ZNF516: variants seen among roughly 807,000 people sequenced by gnomAD.
The protein encoded by ZNF516 is zinc finger protein 516.
In ZNF516, 19 loss-of-function variants were observed where a neutral mutation model predicts 79.7. The ratio of observed to expected loss-of-function variants is 0.24; its 90% CI spans 0.17 to 0.35. The LOEUF (loss-of-function observed/expected upper bound fraction) is 0.35, where lower values mean the gene tolerates loss of function less well. ZNF516 is among the 10% of genes least tolerant of loss of function. ZNF516 has a pLI of 1.00. For missense variants in ZNF516, 1,678 were observed against 1,679.5 expected (o/e 1.00, Z 0.02); for synonymous variants, 877 against 739.5 (o/e 1.19, Z -3.02).
chr18:76,475,552 C>T (rs144627152), intron 1 of ZNF516, among the ~76,000 whole-genome samples: 1 of 152,190 alleles, frequency 6.6e-6, no homozygotes, highest in Non-Finnish European at 1.5e-5. Context: ...GTTCCCTGCA[C>T]GCTAAGAGAA....
intron 1 of ZNF516, chr18:76,490,290 G>C (rs759543916): frequency 4.5e-5 from 31 of 685,768 alleles, no homozygotes; most frequent in African/African-American, 2.7e-4. Flanking sequence ...TTTTACTAAG[G>C]GGGGGCGAGG....
rs761572414 is a variant in ZNF516 at position 76,358,637 on chromosome 18, G to C, written c.*3861C>G. On this transcript the variant is annotated 3_prime_UTR_variant, in exon 7 of 7. Transcript: ENST00000443185. ...AAATTAGAACTCACCAAAGTTAAAA[G>C]CAGTAAAACAACATATGCTACTTAA... is the stretch of plus-strand genomic sequence containing the variant. 1.1e-4 allele frequency: 17 copies of C among 152,238 alleles called. No homozygotes were observed. Among genetic ancestry groups the C allele is most frequent in the Non-Finnish European group, 2.4e-4 (16 of 68,048 alleles). 9.4% of individuals were successfully genotyped at this position (152,238 alleles called of 1,614,324 possible).
At position 76,379,506 on chromosome 18, in the gene ZNF516, G is replaced by A. The variant is rs1322684534; in HGVS notation, c.2608C>T (p.His870Tyr). The change falls in exon 4 of 7, where the codon CAT (histidine) becomes TAT (tyrosine). Residue 870 changes from histidine to tyrosine, a missense_variant. His to Tyr is a moderately conservative substitution (Grantham distance 83). This residue lies in a region of ZNF516 where 1,294 missense variants were observed against 1,248.3 expected (regional missense o/e 1.04). Transcript: ENST00000443185. ...CACAGAGCGCAGGGACCTCCGGAAT[G>A]GCTCTCCTTATTCTTAGGCATGCTA... ...AASMPKNKESHSGGPCALWAP... is the reference protein window; with the variant it reads ...AASMPKNKESYSGGPCALWAP... 8 of 1,613,786 alleles carry A rather than the reference G, an allele frequency of 5.0e-6. No homozygotes were observed. The South Asian group carries it at 7.7e-5, about 16-fold the overall frequency.
At chr18:76,420,864 ACAATAT>A (rs1202465227) in intron 3 of ZNF516, among the ~76,000 whole-genome samples, 2 of 152,258 alleles carry the variant, frequency 1.3e-5, no homozygotes, top group Non-Finnish European at 2.9e-5. Context: ...TACTTCATCC[ACAATAT>A]CAATAAGTGT....
intron 3 of ZNF516, chr18:76,385,836 G>GC (rs1051356352): frequency 2.6e-5 from 4 of 151,754 alleles, no homozygotes; most frequent in South Asian, 4.2e-4. Context: ...CTCCCAGGCA[G>GC]CCCACCTGCA....
intron 1 of ZNF516, chr18:76,488,041 C>A: frequency 1.0e-6 from 1 of 985,360 alleles, no homozygotes; most frequent in Non-Finnish European, 1.2e-6. Context: ...CAAACAGAGG[C>A]TTGTCCACAG....
intron 2 of ZNF516, among the ~76,000 whole-genome samples, chr18:76,450,558 C>T (rs897179908): frequency 6.6e-6 from 1 of 152,136 alleles, no homozygotes; most frequent in African/African-American, 2.4e-5. Flanking sequence ...ATTAAAGAAA[C>T]CCACCCACGG....
chr18:76,458,314 C>T (rs114009838), intron 2 of ZNF516, among the ~76,000 whole-genome samples: 1,889 of 152,268 alleles, frequency 0.012, 39 homozygotes, highest in African/African-American at 0.043. Flanking sequence ...ACTGTGGACC[C>T]GCAGTGCATG....
chr18:76,478,194 C>T (rs1191039120), intron 1 of ZNF516, among the ~76,000 whole-genome samples: 1 of 152,090 alleles, frequency 6.6e-6, no homozygotes, highest in Non-Finnish European at 1.5e-5. Context: ...ACAAATTCAT[C>T]GATGAAGACT....
chr18:76,443,872 C>T (rs1911880710), intron 2 of ZNF516, among the ~76,000 whole-genome samples: 2 of 152,170 alleles, frequency 1.3e-5, no homozygotes, highest in African/African-American at 2.4e-5. Flanking sequence ...AGAGATTGTG[C>T]CCAAGCCTGA....
At chr18:76,414,344 A>ATT (rs1189118347) in intron 3 of ZNF516, among the ~76,000 whole-genome samples, 1 of 152,198 alleles carries the variant, frequency 6.6e-6, no homozygotes, top group East Asian at 1.9e-4. Context: ...TCCACGTGTT[A>ATT]TTTTCCTCAG....
intron 3 of ZNF516, among the ~76,000 whole-genome samples, chr18:76,422,057 G>A (rs1436243687): frequency 6.6e-6 from 1 of 152,182 alleles, no homozygotes; most frequent in East Asian, 1.9e-4. Context: ...ATGGCTACAT[G>A]AGCAAGTGAA....
intron 3 of ZNF516, among the ~76,000 whole-genome samples, chr18:76,405,142 G>A (rs948941303): frequency 6.6e-6 from 1 of 152,228 alleles, no homozygotes; most frequent in African/African-American, 2.4e-5. Flanking sequence ...ACACCCTGGA[G>A]GTCATCGGGA....
At chr18:76,478,796 C>T (rs1189202149) in intron 1 of ZNF516, among the ~76,000 whole-genome samples, 1 of 152,150 alleles carries the variant, frequency 6.6e-6, no homozygotes, top group Non-Finnish European at 1.5e-5. Flanking sequence ...TGGCTCAGAC[C>T]TGTAATCCCG....
rs1347328100 is a variant in ZNF516 at position 76,442,257 on chromosome 18, G to A, written c.798C>T (p.His266=). The change falls in exon 3 of 7, where the codon CAC becomes CAT. Residue 266 remains histidine (H), a synonymous_variant. Transcript: ENST00000443185. ...AFSQTWFLKA[H]MKKHRGSFDH... ...CGAAGGAGCCCCGGTGCTTCTTCATGTGCGCCTTCAGGAACCAGGTCTGGC... is the reference window on the plus strand; with the variant it reads ...CGAAGGAGCCCCGGTGCTTCTTCATATGCGCCTTCAGGAACCAGGTCTGGC... 4.3e-6 allele frequency: 7 copies of A among 1,613,664 alleles called. No homozygotes were observed. The highest frequency in any genetic ancestry group is 5.9e-6 in the Non-Finnish European group (7 of 1,179,848).
intron 3 of ZNF516, among the ~76,000 whole-genome samples, chr18:76,408,747 A>G (rs537766105): frequency 2.1e-3 from 314 of 152,376 alleles, no homozygotes; most frequent in African/African-American, 7.4e-3. Context: ...AATTCACAGA[A>G]AACAACTTCC....
At chr18:76,482,882 A>G (rs934169785) in intron 1 of ZNF516, among the ~76,000 whole-genome samples, 15 of 152,244 alleles carry the variant, frequency 9.9e-5, no homozygotes, top group African/African-American at 1.4e-4. Context: ...CACTGATTAA[A>G]TAAGTCTTTG....
At chr18:76,429,568 G>A (rs1293888002) in intron 3 of ZNF516, among the ~76,000 whole-genome samples, 2 of 152,152 alleles carry the variant, frequency 1.3e-5, no homozygotes, top group African/African-American at 2.4e-5. Flanking sequence ...AGGAGGGTGT[G>A]GGTGACCCTG....
chr18:76,479,114 C>T (rs761763061), intron 1 of ZNF516, among the ~76,000 whole-genome samples: 1 of 151,880 alleles, frequency 6.6e-6, no homozygotes, highest in Non-Finnish European at 1.5e-5. Context: ...TCAGAACAGA[C>T]CTGGAACAAT....
Sources: allele counts gnomAD v4.1 joint callset (sites outside exome capture counted in the v4.1 genomes callset), GRCh38; gene constraint gnomAD v4.1.1; regional missense constraint gnomAD v4.1.1; transcripts MANE v1.5; gene names NCBI Gene and HGNC (gene_info 2026-07-23, HGNC 2026-07-21).